The following SDK1 variants were observed in gnomAD, a reference collection of about 807,000 sequenced individuals.
SDK1 encodes sidekick cell adhesion molecule 1.
In SDK1, 157 loss-of-function variants were observed where a neutral mutation model predicts 245.5. That is an observed-to-expected ratio of 0.64 (90% CI 0.56 to 0.73). The LOEUF (loss-of-function observed/expected upper bound fraction) is 0.73, where lower values mean the gene tolerates loss of function less well. Ranked by LOEUF, SDK1 falls within the 30% of genes least tolerant of loss-of-function variation. The pLI is 0.00. For missense variants in SDK1, 3,583 were observed against 3,002.3 expected, an observed-to-expected ratio of 1.19 and a Z score of -4.52; for synonymous variants, 1,647 against 1,278.5, an observed-to-expected ratio of 1.29 and a Z score of -6.15.
intron 1 of SDK1, among the ~76,000 whole-genome samples, chr7:3,582,060 CCTGTCTCAGGTAGGT>C (rs1308488576): frequency 2.0e-5 from 1 of 51,118 alleles, no homozygotes. Context: ...CTCAGGTAGG[CCTGTCTCAGGTAGGT>C]CTCCCTCAGG....
intron 5 of SDK1, among the ~76,000 whole-genome samples, chr7:3,933,121 A>ATTT (rs1780038428): frequency 8.3e-6 from 1 of 120,830 alleles, no homozygotes; most frequent in African/African-American, 3.7e-5. Flanking sequence ...ATGCTCCTGG[A>ATTT]TCTTTTTTTT....
chr7:3,984,994 A>C (rs1316230067), intron 13 of SDK1, among the ~76,000 whole-genome samples: 1 of 152,210 alleles, frequency 6.6e-6, no homozygotes, highest in Non-Finnish European at 1.5e-5. Context: ...CCCAGAGTTG[A>C]ATCACTGGCT....
chr7:4,201,492 A>G (rs1165782212), intron 35 of SDK1, among the ~76,000 whole-genome samples: 2 of 152,266 alleles, frequency 1.3e-5, no homozygotes, highest in Non-Finnish European at 2.9e-5. Context: ...ATTTCATTAT[A>G]TTAAAACATT....
chr7:3,718,239 C>T (rs1785260399), intron 4 of SDK1, among the ~76,000 whole-genome samples: 3 of 152,074 alleles, frequency 2.0e-5, no homozygotes, highest in African/African-American at 7.2e-5. Context: ...GTGGCTCATC[C>T]CTGTGATCCC....
intron 4 of SDK1, among the ~76,000 whole-genome samples, chr7:3,659,055 C>T (rs181103184): frequency 1.3e-5 from 2 of 152,332 alleles, no homozygotes; most frequent in East Asian, 3.9e-4. Flanking sequence ...TTTGCCTATT[C>T]TGTCACTACC....
chr7:4,029,228 T>TTTTTTTTTTTGTGTG lies in SDK1; in HGVS notation c.2602+11877_2602+11878insTTTTTTTTTGTGTGT, dbSNP rs746967075. ...TTTTATTCTTTCTTTTTTTTTTTTT[T>TTTTTTTTTTTGTGTG]TGTGAAGAAGTCTCACTCTGTCATC... On this transcript the variant is annotated intron_variant, in intron 17 of 44. Transcript: ENST00000404826. Among the ~76,000 whole-genome samples, 13 of 112,080 alleles carry TTTTTTTTTTTGTGTG rather than the reference T, an allele frequency of 1.2e-4. 1 individual carries two copies. Among genetic ancestry groups the TTTTTTTTTTTGTGTG allele is most frequent in the African/African-American group, 6.0e-4 (12 of 20,072 alleles). 73.5% of individuals were successfully genotyped at this position (112,080 alleles called of 152,430 possible).
At chr7:3,541,937 G>T (rs776944342) in intron 1 of SDK1, among the ~76,000 whole-genome samples, 11 of 152,164 alleles carry the variant, frequency 7.2e-5, no homozygotes, top group African/African-American at 2.7e-4. Context: ...AGATATGTCC[G>T]TAAGCCTTGA....
chr7:3,754,558 A>G (rs1334897729), intron 4 of SDK1, among the ~76,000 whole-genome samples: 1 of 152,220 alleles, frequency 6.6e-6, no homozygotes, highest in East Asian at 1.9e-4. Flanking sequence ...TCCTTTCCTC[A>G]GTATCCCCTG....
intron 4 of SDK1, among the ~76,000 whole-genome samples, chr7:3,694,174 A>C (rs370747410): frequency 4.6e-5 from 7 of 152,340 alleles, no homozygotes; most frequent in African/African-American, 1.7e-4. Flanking sequence ...TCTTTGCCTC[A>C]GTCTCCAAAC....
At chr7:3,375,576 C>T (rs1355891188) in intron 1 of SDK1, among the ~76,000 whole-genome samples, 4 of 152,274 alleles carry the variant, frequency 2.6e-5, no homozygotes, top group East Asian at 3.9e-4. Context: ...GACATTGTAA[C>T]CTCTGTCTTG....
At chr7:3,543,122 C>G (rs1165532928) in intron 1 of SDK1, among the ~76,000 whole-genome samples, 1 of 152,210 alleles carries the variant, frequency 6.6e-6, no homozygotes, top group Non-Finnish European at 1.5e-5. Flanking sequence ...ACCTATGTCT[C>G]CAAAGTAACG....
intron 22 of SDK1, among the ~76,000 whole-genome samples, chr7:4,089,450 G>T (rs1781650689): frequency 6.6e-6 from 1 of 152,222 alleles, no homozygotes; most frequent in Non-Finnish European, 1.5e-5. Context: ...GGCAAGATGT[G>T]CTCAGGCAGC....
intron 42 of SDK1, among the ~76,000 whole-genome samples, chr7:4,239,182 T>C (rs1238444020): frequency 1.3e-5 from 2 of 152,116 alleles, no homozygotes; most frequent in African/African-American, 4.8e-5. Context: ...AAGGAGCAAA[T>C]GAACGTAGGG....
At position 3,748,193 on chromosome 7, in the gene SDK1, A is replaced by AT. The variant is rs892850360; in HGVS notation, c.714-73253dup. Among the ~76,000 whole-genome samples the AT allele has an allele frequency of 2.0e-4, 30 of 152,292 alleles. 1 individual carries two copies. The highest frequency in any genetic ancestry group is 7.2e-4 in the African/African-American group (30 of 41,556). On this transcript the variant is annotated intron_variant, in intron 4 of 44. Coordinates refer to ENST00000404826, the MANE Select transcript of SDK1 (RefSeq NM_152744.4). ...AAACAGCATGTTTGGTTTAATCCTA[A>AT]TTTTGAAAAGGAAAAATGATGTATC...
At chr7:3,731,404 G>A (rs1475993545) in intron 4 of SDK1, among the ~76,000 whole-genome samples, 1 of 152,222 alleles carries the variant, frequency 6.6e-6, no homozygotes, top group Non-Finnish European at 1.5e-5. Context: ...CTGTCACAAT[G>A]TGGAGCCACT....
At chr7:3,752,815 C>G (rs1779812562) in intron 4 of SDK1, among the ~76,000 whole-genome samples, 1 of 152,164 alleles carries the variant, frequency 6.6e-6, no homozygotes, top group South Asian at 2.1e-4. Flanking sequence ...TTATTTCTCT[C>G]TATAGTTTTT....
rs77573443 is a variant in SDK1 at position 3,419,986 on chromosome 7, C to A, written c.298+118102C>A. Among the ~76,000 whole-genome samples the A allele has an allele frequency of 5.5e-3, 831 of 152,266 alleles. 14 individuals carry two copies. The highest frequency in any genetic ancestry group is 0.019 in the African/African-American group (780 of 41,546). On this transcript the variant is annotated intron_variant, in intron 1 of 44. Coordinates refer to ENST00000404826, the MANE Select transcript of SDK1 (RefSeq NM_152744.4). ...AGTAGGTAATAATGAGAAATGCACC[C>A]AACCTCTGTGACTGTGAAACATGCC...
intron 22 of SDK1, among the ~76,000 whole-genome samples, chr7:4,102,656 CA>C: frequency 6.6e-6 from 1 of 152,296 alleles, no homozygotes; most frequent in East Asian, 1.9e-4. Flanking sequence ...AGCCTCCCAG[CA>C]GGGGTGTTCC....
At chr7:3,865,088 G>A (rs185749476) in intron 5 of SDK1, among the ~76,000 whole-genome samples, 14 of 152,292 alleles carry the variant, frequency 9.2e-5, no homozygotes, top group South Asian at 2.1e-4. Context: ...CCTCCAGCAC[G>A]TTTTACTGAC....
Sources: gnomAD v4.1 joint callset for allele counts (sites outside exome capture counted in the v4.1 genomes callset) on GRCh38, gnomAD v4.1.1 for gene constraint, MANE v1.5 for transcripts, NCBI Gene and HGNC (gene_info 2026-07-23, HGNC 2026-07-21) for gene names.